CELF2: variants seen among roughly 807,000 people sequenced by gnomAD.
The protein encoded by CELF2 is CUG triplet repeat RNA-binding protein 2.
Under a neutral mutation model 62.6 loss-of-function variants are expected in CELF2, and 8 were observed. That is an observed-to-expected ratio of 0.13 (90% confidence interval 0.07 to 0.23). CELF2 has a LOEUF of 0.23. CELF2 is among the 10% of genes least tolerant of loss of function. The pLI, the probability that CELF2 is intolerant of heterozygous loss-of-function variation, is 1.00. For missense variants in CELF2, 333 were observed against 671.0 expected (o/e 0.50, Z 5.56); for synonymous variants, 258 against 250.0 (o/e 1.03, Z -0.30).
At chr10:10,504,792 TC>T in the CELF2 span, among the ~76,000 whole-genome samples, 2 of 152,162 alleles carry the variant, frequency 1.3e-5, no homozygotes, top group African/African-American at 4.8e-5. Flanking sequence ...CACTGATTTT[TC>T]TTCTGATCCC....
Position 11,268,030 on chromosome 10 carries a change from G to T in CELF2, c.618+1353G>T, listed in dbSNP as rs1165420528. Among the ~76,000 whole-genome samples the T allele has an allele frequency of 6.6e-6, 1 of 152,146 alleles. No homozygotes were observed. Among genetic ancestry groups the T allele is most frequent in the East Asian group, 1.9e-4 (1 of 5,192 alleles). ...GCAAGCTCAGGTGAAAATCGGGCAT[G>T]ATAGGCGATAATGAGCAGGATTTGG... On this transcript the variant is annotated intron_variant, in intron 6 of 12. Coordinates refer to ENST00000633077, the MANE Select transcript of CELF2 (RefSeq NM_001326342.2). This position sits in a 1 kb window ranked among gnomAD's most constrained non-coding sequence, Gnocchi z 4.7.
chr10:10,931,612 A>G lies in CELF2; in HGVS notation c.89+11613A>G, dbSNP rs938778936. ...CGGCACCCCTTCCAAAGTAAAGAAAATTTATTTCCAAATTAGGCTTTCAAC... is the reference window on the plus strand; with the variant it reads ...CGGCACCCCTTCCAAAGTAAAGAAAGTTTATTTCCAAATTAGGCTTTCAAC... On this transcript the variant is annotated intron_variant, in intron 2 of 13. Coordinates refer to the CELF2 transcript ENST00000636488. The surrounding 1 kb of genome is among the most constrained non-coding windows in gnomAD (Gnocchi z 6.1). Among the ~76,000 whole-genome samples the G allele has an allele frequency of 1.3e-5, 2 of 152,132 alleles. No individual in the cohort carries two copies. The highest frequency in any genetic ancestry group is 2.9e-5 in the Non-Finnish European group (2 of 68,030).
At chr10:10,834,433 A>G (rs1362197354) in intron 1 of CELF2, among the ~76,000 whole-genome samples, 3 of 152,166 alleles carry the variant, frequency 2.0e-5, no homozygotes, top group Non-Finnish European at 4.4e-5. Flanking sequence ...CTATATAGCA[A>G]ACTGCAAATG....
intron 2 of CELF2, among the ~76,000 whole-genome samples, chr10:10,991,695 C>T (rs1416122752): frequency 6.6e-6 from 1 of 152,168 alleles, no homozygotes; most frequent in East Asian, 1.9e-4. Context: ...CAGAAAGCCA[C>T]TGCAGCTGCC....
Position 11,117,502 on chromosome 10 carries a change from A to T in CELF2, c.75-47984A>T, listed in dbSNP as rs2056807652. Among the ~76,000 whole-genome samples the T allele has an allele frequency of 6.6e-6, 1 of 152,180 alleles. No homozygotes were observed. The highest frequency in any genetic ancestry group is 1.5e-5 in the Non-Finnish European group (1 of 68,032). ...TTCCTGTGCTCTGCAGCAGCTCTAG[A>T]GGCCACTCCTTTAGACCTAGGTCCA... is the stretch of plus-strand genomic sequence containing the variant. On this transcript the variant is annotated intron_variant, in intron 1 of 12. Coordinates refer to ENST00000633077, the MANE Select transcript of CELF2 (RefSeq NM_001326342.2). This position sits in a 1 kb window ranked among gnomAD's most constrained non-coding sequence, Gnocchi z 4.1.
intron 2 of CELF2, among the ~76,000 whole-genome samples, chr10:10,981,812 A>G (rs1435996367): frequency 6.6e-6 from 1 of 152,194 alleles, no homozygotes; most frequent in Non-Finnish European, 1.5e-5. Flanking sequence ...GGCAGGTAAA[A>G]TAATATAGTT....
chr10:10,665,976 T>C, the CELF2 span, among the ~76,000 whole-genome samples: 1 of 152,178 alleles, frequency 6.6e-6, no homozygotes, highest in African/African-American at 2.4e-5. Context: ...CAAGGCCCGG[T>C]GATACGAAGA....
the CELF2 span, among the ~76,000 whole-genome samples, chr10:10,724,453 A>G: frequency 6.6e-6 from 1 of 152,136 alleles, no homozygotes; most frequent in Admixed American, 6.5e-5. Flanking sequence ...CAGGAGTTCA[A>G]GACCAGCCTG....
chr10:10,722,930 A>C, the CELF2 span, among the ~76,000 whole-genome samples: 1 of 152,354 alleles, frequency 6.6e-6, no homozygotes, highest in East Asian at 1.9e-4. Flanking sequence ...CCTCCCTCTT[A>C]TGACAAGAAA....
At chr10:11,299,172 T>C (rs546492813) in intron 9 of CELF2, among the ~76,000 whole-genome samples, 46 of 152,254 alleles carry the variant, frequency 3.0e-4, no homozygotes, top group Non-Finnish European at 2.9e-4. Flanking sequence ...AAGACTGCTG[T>C]GTCCAGGCAG....
At chr10:10,914,354 G>T (rs550382702) in intron 1 of CELF2, among the ~76,000 whole-genome samples, 1 of 152,120 alleles carries the variant, frequency 6.6e-6, no homozygotes, top group Non-Finnish European at 1.5e-5. Flanking sequence ...AGAACTGCTC[G>T]CATAGTTCAG....
At chr10:10,620,122 GT>G in the CELF2 span, among the ~76,000 whole-genome samples, 1 of 152,126 alleles carries the variant, frequency 6.6e-6, no homozygotes, top group Admixed American at 6.5e-5. Flanking sequence ...CTAAGGCAAG[GT>G]TGCCAATCTT....
At position 11,165,828 on chromosome 10, in the gene CELF2, G is replaced by A. The variant is rs985300383; in HGVS notation, c.271+146G>A. On this transcript the variant is annotated intron_variant, in intron 2 of 12. Coordinates refer to ENST00000633077, the MANE Select transcript of CELF2 (RefSeq NM_001326342.2). This position sits in a 1 kb window ranked among gnomAD's most constrained non-coding sequence, Gnocchi z 7.4. ...GTGCTGGCGGCCCCTGTGCTCCAGG[G>A]GCTGCTCCCGACTCCTCCCCGCACC... is the stretch of plus-strand genomic sequence containing the variant. 2 of 753,218 alleles carry A rather than the reference G, an allele frequency of 2.7e-6. No individual in the cohort carries two copies. Among genetic ancestry groups the A allele is most frequent in the Non-Finnish European group, 4.1e-6 (2 of 483,120 alleles). 46.7% of individuals were successfully genotyped at this position (753,218 alleles called of 1,614,324 possible).
chr10:11,276,183 A>C (rs2086040938), intron 8 of CELF2, among the ~76,000 whole-genome samples: 1 of 151,464 alleles, frequency 6.6e-6, no homozygotes, highest in African/African-American at 2.4e-5. Flanking sequence ...ATCTGGAAAA[A>C]CTTTCCAGGG....
the CELF2 span, among the ~76,000 whole-genome samples, chr10:10,541,897 C>A: frequency 6.6e-6 from 1 of 152,218 alleles, no homozygotes. Flanking sequence ...GACCCAACTC[C>A]TATTCAAGAT....
At chr10:10,998,806 C>T (rs776281977) in intron 2 of CELF2, among the ~76,000 whole-genome samples, 1 of 152,164 alleles carries the variant, frequency 6.6e-6, no homozygotes, top group Non-Finnish European at 1.5e-5. Context: ...GCCTATAGGA[C>T]ACTTGCTTTT....
At chr10:11,119,035 C>T (rs1293726780) in intron 1 of CELF2, among the ~76,000 whole-genome samples, 3 of 152,222 alleles carry the variant, frequency 2.0e-5, no homozygotes, top group Non-Finnish European at 4.4e-5. Context: ...GGCACTTTCT[C>T]AAGCCGCCAT....
intron 1 of CELF2, among the ~76,000 whole-genome samples, chr10:10,817,898 C>T (rs567742702): frequency 3.6e-4 from 55 of 152,276 alleles, no homozygotes; most frequent in Non-Finnish European, 4.9e-4. Flanking sequence ...AGACAGTAGA[C>T]TTTTGTGCAA....
the CELF2 span, among the ~76,000 whole-genome samples, chr10:10,556,139 G>A: frequency 2.6e-5 from 4 of 151,878 alleles, no homozygotes; most frequent in African/African-American, 4.8e-5. Context: ...CCACTAACTC[G>A]TCATCTAGCA....
Sources: allele counts gnomAD v4.1 joint callset (sites outside exome capture counted in the v4.1 genomes callset), GRCh38; gene constraint gnomAD v4.1.1; non-coding constraint Gnocchi (gnomAD v3.1); transcripts MANE v1.5; gene names NCBI Gene and HGNC (gene_info 2026-07-23, HGNC 2026-07-21).